Variants in ABLIM2 observed in about 807,000 individuals in gnomAD.
ABLIM2 encodes actin-binding LIM protein 2.
ABLIM2 carries 53 observed loss-of-function variants against 97.7 expected under a neutral mutation model. That is an observed-to-expected ratio of 0.54 (90% CI 0.44 to 0.68). The LOEUF is 0.68. Ranked by LOEUF, ABLIM2 falls within the 30% of genes least tolerant of loss-of-function variation. The pLI, the probability that ABLIM2 is intolerant of heterozygous loss-of-function variation, is 0.00. For synonymous variants in ABLIM2, 361 were observed against 345.8 expected (o/e 1.04, Z -0.49); for missense variants, 835 against 867.2 (o/e 0.96, Z 0.47).
Position 8,042,876 on chromosome 4 carries a change from C to T in ABLIM2, c.900+2288G>A, listed in dbSNP as rs189507254. Among the ~76,000 whole-genome samples, 170 of 147,440 alleles carry T rather than the reference C, an allele frequency of 1.2e-3. 1 individual carries two copies. The highest frequency in any genetic ancestry group is 2.4e-3 in the Admixed American group (35 of 14,776). On this transcript the variant is annotated intron_variant, in intron 9 of 20. Coordinates refer to ENST00000447017, the MANE Select transcript of ABLIM2 (RefSeq NM_001130083.2). The stretch of plus-strand genomic sequence containing the variant: ...AAAAAAAAGAACAGTGTTGGCCAGA[C>T]GTGATGACTCAAACCTATAATCCCA...
intron 8 of ABLIM2, among the ~76,000 whole-genome samples, chr4:8,048,117 T>C (rs568134814): frequency 4.6e-5 from 7 of 152,212 alleles, no homozygotes; most frequent in East Asian, 1.9e-4. Context: ...AGCCAGGTCA[T>C]TGTCCTCATT....
rs1846740652 is a variant in ABLIM2, at chr4:8,124,120, C to T, written c.11-17483G>A. ...CACACACCTGGGACATATGATATGA[C>T]ATCACAACCTAGAATAATTCATCTA... is the stretch of plus-strand genomic sequence containing the variant. On this transcript the variant is annotated intron_variant, in intron 1 of 20. Transcript: ENST00000447017. This position sits in a 1 kb window ranked among gnomAD's most constrained non-coding sequence, Gnocchi z 6.1. Among the ~76,000 whole-genome samples, 1 of 152,178 alleles carries T rather than the reference C, an allele frequency of 6.6e-6. No individual in the cohort carries two copies. Among genetic ancestry groups the T allele is most frequent in the Admixed American group, 6.5e-5 (1 of 15,276 alleles).
chr4:8,154,095 T>C (rs1361103081), intron 1 of ABLIM2, among the ~76,000 whole-genome samples: 1 of 150,174 alleles, frequency 6.7e-6, no homozygotes, highest in Admixed American at 6.6e-5. Flanking sequence ...CCCGAGTAGC[T>C]GGGTCTACAG....
intron 14 of ABLIM2, among the ~76,000 whole-genome samples, chr4:8,012,835 T>C (rs1347178104): frequency 6.6e-6 from 1 of 152,204 alleles, no homozygotes; most frequent in Non-Finnish European, 1.5e-5. Flanking sequence ...CCTCTCTTTG[T>C]CCACTTCATT....
chr4:8,144,006 C>G (rs1851412702), intron 1 of ABLIM2, among the ~76,000 whole-genome samples: 1 of 152,192 alleles, frequency 6.6e-6, no homozygotes, highest in Non-Finnish European at 1.5e-5. Context: ...AAACCACCAG[C>G]CCCCACCCTG....
In ABLIM2 at chr4:8,036,281, A is replaced by G; in HGVS notation, c.915T>C (p.Gly305=). The G allele has an allele frequency of 5.0e-6, 8 of 1,613,798 alleles. No individual in the cohort carries two copies. The highest frequency in any genetic ancestry group is 6.8e-6 in the Non-Finnish European group (8 of 1,179,760). The change falls in exon 10 of 21, where the codon GGT becomes GGC. Residue 305 remains glycine, a synonymous_variant. Coordinates refer to ENST00000447017, the MANE Select transcript of ABLIM2 (RefSeq NM_001130083.2). ...PSRVIYAKLG[G]EILDYRDLAA... ...CCAAGTCCCTGTAGTCCAGGATCTC[A>G]CCACCAAGCTTGGCCTGAGAGGGGA... is the stretch of plus-strand genomic sequence containing the variant.
At chr4:7,984,922 A>G (rs914008648) in intron 17 of ABLIM2, 29 bp from the exon 18 acceptor site, 4 of 1,604,070 alleles carry the variant, frequency 2.5e-6, no homozygotes, top group Admixed American at 3.4e-5. Context: ...TTGGGCGGCA[A>G]GAGACAGGCG....
Position 8,113,709 on chromosome 4 carries a change from G to T in ABLIM2, c.11-7072C>A, listed in dbSNP as rs1318472284. Among the ~76,000 whole-genome samples, 1 of 152,244 alleles carries T rather than the reference G, an allele frequency of 6.6e-6. No individual in the cohort carries two copies. Among genetic ancestry groups the T allele is most frequent in the East Asian group, 1.9e-4 (1 of 5,196 alleles). ...TCAGAAAGCTCCCCGTCTGCTGTTT[G>T]TATCATCCAAACGGCTGGCTTGGGG... On this transcript the variant is annotated intron_variant, in intron 1 of 20. Coordinates refer to ENST00000447017, the MANE Select transcript of ABLIM2 (RefSeq NM_001130083.2). This position sits in a 1 kb window ranked among gnomAD's most constrained non-coding sequence, Gnocchi z 4.5.
rs958321577 is a variant in ABLIM2, at chr4:8,123,754, G to A, written c.11-17117C>T. 1.4e-4 allele frequency among the ~76,000 whole-genome samples: 22 copies of A among 152,294 alleles called. No individual in the cohort carries two copies. The highest frequency in any genetic ancestry group is 5.3e-4 in the African/African-American group (22 of 41,554). ...GTGGGTCTACACATGGGCAGGCAGG[G>A]GTGTGCCGGCATTGGGTCACACAGC... On this transcript the variant is annotated intron_variant, in intron 1 of 20. Coordinates refer to ENST00000447017, the MANE Select transcript of ABLIM2 (RefSeq NM_001130083.2). This position sits in a 1 kb window ranked among gnomAD's most constrained non-coding sequence, Gnocchi z 6.2.
In ABLIM2 at chr4:7,998,170, G is replaced by A. The variant is rs2150116806; in HGVS notation, c.1619-5243C>T. Among the ~76,000 whole-genome samples, 1 of 152,176 alleles carries A rather than the reference G, an allele frequency of 6.6e-6. No homozygotes were observed. Among genetic ancestry groups the A allele is most frequent in the Non-Finnish European group, 1.5e-5 (1 of 68,008 alleles). On this transcript the variant is annotated intron_variant, in intron 16 of 20. Coordinates refer to ENST00000447017, the MANE Select transcript of ABLIM2 (RefSeq NM_001130083.2). The surrounding 1 kb of genome is among the most constrained non-coding windows in gnomAD (Gnocchi z 6.4). ...CAAAGTGCTGGGATTACAGGTGTGA[G>A]CCACTGCGCCGGGCCTTCTGCTGTC...
chr4:8,008,048 G>A lies in ABLIM2; in HGVS notation c.1618+11C>T, dbSNP rs368849605. 1.1e-5 allele frequency: 18 copies of A among 1,613,436 alleles called. No homozygotes were observed. Among genetic ancestry groups the A allele is most frequent in the Non-Finnish European group, 1.5e-5 (18 of 1,179,598 alleles). ...GCACATCACGGCTCCTTCTTCAAAAGAACCACTCACGTGAGTGAAAGCTGT... is the reference window on the plus strand; with the variant it reads ...GCACATCACGGCTCCTTCTTCAAAAAAACCACTCACGTGAGTGAAAGCTGT... On this transcript the variant is annotated intron_variant, in intron 16 of 20. Transcript: ENST00000447017.
Position 7,966,266 on chromosome 4 carries a change from T to C in ABLIM2, c.*724A>G, listed in dbSNP as rs1722930634. On this transcript the variant is annotated 3_prime_UTR_variant, in exon 21 of 21. Coordinates refer to ENST00000447017, the MANE Select transcript of ABLIM2 (RefSeq NM_001130083.2). Reference sequence around the variant, plus strand: ...GCGGAGGGACCGTAAAATTAAACTCTATATATGTCATCTCGCGTTTAAGTA... The same window carrying C: ...GCGGAGGGACCGTAAAATTAAACTCCATATATGTCATCTCGCGTTTAAGTA... 1 of 152,676 alleles carries C rather than the reference T, an allele frequency of 6.5e-6. No individual in the cohort carries two copies. Among genetic ancestry groups the C allele is most frequent in the Non-Finnish European group, 1.5e-5 (1 of 68,054 alleles). 9.5% of individuals were successfully genotyped at this position (152,676 alleles called of 1,614,324 possible). A position where few individuals can be genotyped will look rare whatever the true frequency, so the allele number is the denominator to read the frequency against.
chr4:7,973,563 GAGGAC>G (rs1730055277), intron 20 of ABLIM2, among the ~76,000 whole-genome samples: 1 of 152,116 alleles, frequency 6.6e-6, no homozygotes. Flanking sequence ...CGGGAAAGGT[GAGGAC>G]AGGATAGGCC....
chr4:7,973,115 G>GTGTGTGTGTGT (rs1347584652), intron 20 of ABLIM2, among the ~76,000 whole-genome samples: 31 of 149,788 alleles, frequency 2.1e-4, no homozygotes, highest in Admixed American at 4.0e-4. Context: ...GTGTGTGTAG[G>GTGTGTGTGTGT]GTGAGGGATG....
intron 17 of ABLIM2, among the ~76,000 whole-genome samples, chr4:7,988,290 TG>T (rs1746014046): frequency 6.6e-6 from 1 of 152,212 alleles, no homozygotes; most frequent in Non-Finnish European, 1.5e-5. Flanking sequence ...CCCAAAGTGC[TG>T]GGATTACAGG....
intron 8 of ABLIM2, among the ~76,000 whole-genome samples, chr4:8,047,333 T>A (rs971002288): frequency 1.3e-5 from 2 of 151,788 alleles, no homozygotes; most frequent in Non-Finnish European, 2.9e-5. Flanking sequence ...ATCCTAAGCT[T>A]GGCAACTGCC....
intron 1 of ABLIM2, among the ~76,000 whole-genome samples, chr4:8,146,763 G>C (rs1007280925): frequency 2.0e-5 from 3 of 152,206 alleles, no homozygotes; most frequent in Admixed American, 2.0e-4. Flanking sequence ...CTCCTGAGCT[G>C]AAGTGATCTG....
chr4:7,990,613 C>G (rs996737632), intron 17 of ABLIM2, among the ~76,000 whole-genome samples: 1 of 152,082 alleles, frequency 6.6e-6, no homozygotes, highest in African/African-American at 2.4e-5. Context: ...TTGAGGCCAC[C>G]CAGAACCCTT....
intron 14 of ABLIM2, chr4:8,010,714 A>C: frequency 3.8e-6 from 2 of 528,254 alleles, no homozygotes; most frequent in Non-Finnish European, 4.8e-6. Flanking sequence ...AGGCAAATCA[A>C]CGCCAAGCCT....
Sources: allele counts gnomAD v4.1 joint callset (sites outside exome capture counted in the v4.1 genomes callset), GRCh38; gene constraint gnomAD v4.1.1; non-coding constraint Gnocchi (gnomAD v3.1); transcripts MANE v1.5; gene names NCBI Gene and HGNC (gene_info 2026-07-23, HGNC 2026-07-21).